KHDRBS3: variants seen among roughly 807,000 people sequenced by gnomAD.
KHDRBS3 encodes the protein KH RNA binding domain containing, signal transduction associated 3, also known as KH domain-containing, RNA-binding, signal transduction-associated protein 3.
KHDRBS3 carries 23 observed loss-of-function variants against 45.6 expected under a neutral mutation model. The ratio of observed to expected loss-of-function variants is 0.50; its 90% confidence interval spans 0.36 to 0.72. KHDRBS3 has a LOEUF of 0.72. Among genes scored for constraint, KHDRBS3 ranks in the 30% least tolerant of loss-of-function variants. The pLI, the probability that KHDRBS3 is intolerant of heterozygous loss-of-function variation, is 0.00. For missense variants in KHDRBS3, 352 were observed against 424.8 expected, an observed-to-expected ratio of 0.83 and a Z score of 1.51; for synonymous variants, 162 against 156.5, an observed-to-expected ratio of 1.04 and a Z score of -0.26.
intron 7 of KHDRBS3, among the ~76,000 whole-genome samples, chr8:135,644,146 G>T (rs1371203863): frequency 6.6e-6 from 1 of 152,200 alleles, no homozygotes; most frequent in Non-Finnish European, 1.5e-5. Flanking sequence ...TTATGGCTGA[G>T]TAATCTAGAC....
chr8:135,510,666 G>A (rs183116501), intron 1 of KHDRBS3, among the ~76,000 whole-genome samples: 4 of 152,136 alleles, frequency 2.6e-5, no homozygotes, highest in Admixed American at 1.3e-4. Context: ...ATCTCCTGAC[G>A]TAATGACCCA....
intron 4 of KHDRBS3, among the ~76,000 whole-genome samples, chr8:135,653,997 C>T (rs1468320822): frequency 6.6e-6 from 1 of 152,162 alleles, no homozygotes; most frequent in Non-Finnish European, 1.5e-5. Flanking sequence ...CCTTTACCCC[C>T]ACACACCCAC....
chr8:135,530,123 C>A (rs889594229), intron 2 of KHDRBS3, among the ~76,000 whole-genome samples: 2 of 151,906 alleles, frequency 1.3e-5, no homozygotes, highest in Non-Finnish European at 2.9e-5. Flanking sequence ...TTAATTACAT[C>A]TCTGCTTACT....
chr8:135,649,873 G>A (rs185244842), downstream of KHDRBS3, among the ~76,000 whole-genome samples: 27 of 152,164 alleles, frequency 1.8e-4, no homozygotes, highest in African/African-American at 6.5e-4. Context: ...ACTGTAAAAG[G>A]AATTGTGACC....
At chr8:135,579,978 G>A (rs1022608795) in intron 5 of KHDRBS3, among the ~76,000 whole-genome samples, 5 of 152,172 alleles carry the variant, frequency 3.3e-5, no homozygotes, top group South Asian at 2.1e-4. Flanking sequence ...CCTTGTTCTT[G>A]TTCCCCCTCA....
chr8:135,464,463 TTTTAATAC>T (rs1821595375), intron 1 of KHDRBS3, among the ~76,000 whole-genome samples: 1 of 152,246 alleles, frequency 6.6e-6, no homozygotes, highest in Non-Finnish European at 1.5e-5. Context: ...GCTCTTTGTA[TTTTAATAC>T]TTTGCTTATC....
chr8:135,485,765 A>G (rs1461074434), intron 1 of KHDRBS3, among the ~76,000 whole-genome samples: 1 of 150,438 alleles, frequency 6.6e-6, no homozygotes, highest in African/African-American at 2.5e-5. Flanking sequence ...GCCTTCACCC[A>G]AGCATTTTCA....
At chr8:135,469,212 A>G (rs1821851667) in intron 1 of KHDRBS3, among the ~76,000 whole-genome samples, 1 of 152,140 alleles carries the variant, frequency 6.6e-6, no homozygotes, top group Non-Finnish European at 1.5e-5. Context: ...AATTCATTCA[A>G]AAAAGGATTT....
At chr8:135,591,019 A>G (rs1446682571) in intron 6 of KHDRBS3, among the ~76,000 whole-genome samples, 3 of 152,228 alleles carry the variant, frequency 2.0e-5, no homozygotes, top group African/African-American at 4.8e-5. Context: ...TCTTCAGCAG[A>G]TATTTTTTAT....
At chr8:135,488,150 TTA>T (rs1409694248) in intron 1 of KHDRBS3, among the ~76,000 whole-genome samples, 2 of 152,202 alleles carry the variant, frequency 1.3e-5, no homozygotes, top group African/African-American at 4.8e-5. Flanking sequence ...GCATATATAG[TTA>T]TATGTAAAAT....
chr8:135,483,506 A>C (rs1822691937), intron 1 of KHDRBS3, among the ~76,000 whole-genome samples: 1 of 152,182 alleles, frequency 6.6e-6, no homozygotes, highest in Non-Finnish European at 1.5e-5. Context: ...CGGAATCTGA[A>C]GCTAATTAGT....
rs1489380512 is a variant in KHDRBS3 at position 135,457,646 on chromosome 8, C to G, written c.-221C>G. The G allele has an allele frequency of 6.8e-6, 1 of 147,472 alleles. No individual in the cohort carries two copies. The highest frequency in any genetic ancestry group is 2.5e-5 in the African/African-American group (1 of 40,786). 9.1% of individuals were successfully genotyped at this position (147,472 alleles called of 1,614,324 possible). A position where few individuals can be genotyped will look rare whatever the true frequency, so the allele number is the denominator to read the frequency against. On this transcript the variant is annotated 5_prime_UTR_variant, in exon 1 of 9. Transcript: ENST00000355849. This position sits in a 1 kb window ranked among gnomAD's most constrained non-coding sequence, Gnocchi z 4.4. Reference sequence around the variant, plus strand: ...CCCGCGCCCGGAGCGCGGGGGCCGCCGGCGCTGGGTACTCGGCGGCCACCG... The same window carrying G: ...CCCGCGCCCGGAGCGCGGGGGCCGCGGGCGCTGGGTACTCGGCGGCCACCG...
chr8:135,656,366 T>C (rs549728100), exon 5 of KHDRBS3: 18 of 152,372 alleles, frequency 1.2e-4, no homozygotes, highest in African/African-American at 4.3e-4. Flanking sequence ...GACATGTTTT[T>C]ATTATATGGT....
chr8:135,646,990 T>C lies in KHDRBS3; in HGVS notation c.950-3T>C. On this transcript the variant is annotated splice_region_variant and splice_polypyrimidine_tract_variant and intron_variant, in intron 8 of 8. Transcript: ENST00000355849. ...TAATTGTGATTCATCTTACTGATTGTAGGGCAAGAAGAGTGGACTAACTCA... is the reference window on the plus strand; with the variant it reads ...TAATTGTGATTCATCTTACTGATTGCAGGGCAAGAAGAGTGGACTAACTCA... 1 of 1,539,772 alleles carries C rather than the reference T, an allele frequency of 6.5e-7. No individual in the cohort carries two copies. The highest frequency in any genetic ancestry group is 1.1e-5 in the South Asian group (1 of 89,588).
intron 6 of KHDRBS3, among the ~76,000 whole-genome samples, chr8:135,586,136 G>A (rs1013665954): frequency 6.6e-6 from 1 of 152,096 alleles, no homozygotes; most frequent in Non-Finnish European, 1.5e-5. Context: ...TCTCCACAAG[G>A]CACTTTGATA....
In KHDRBS3 at chr8:135,457,528, G is replaced by C. The variant is rs1006426533; in HGVS notation, c.-339G>C. 6.8e-6 allele frequency: 1 copy of C among 146,956 alleles called. No individual in the cohort carries two copies. Among genetic ancestry groups the C allele is most frequent in the Non-Finnish European group, 1.5e-5 (1 of 66,100 alleles). The allele number at this position is 146,956 out of a possible 1,614,324, so 9.1% of individuals were successfully genotyped here. On this transcript the variant is annotated 5_prime_UTR_variant, in exon 1 of 9. Coordinates refer to ENST00000355849, the MANE Select transcript of KHDRBS3 (RefSeq NM_006558.3). The surrounding 1 kb of genome is among the most constrained non-coding windows in gnomAD (Gnocchi z 4.4). ...GGTGCTGGCAGGTGCTGGCGGGACT[G>C]GCGGGGATCGCCGTGGACTGCCTCA...
At chr8:135,514,338 A>G (rs1470258023) in intron 1 of KHDRBS3, among the ~76,000 whole-genome samples, 1 of 152,274 alleles carries the variant, frequency 6.6e-6, no homozygotes, top group Non-Finnish European at 1.5e-5. Context: ...ATGAATGGAT[A>G]AACAAAATGT....
At chr8:135,491,068 T>C (rs1563717855) in intron 1 of KHDRBS3, among the ~76,000 whole-genome samples, 1 of 152,232 alleles carries the variant, frequency 6.6e-6, no homozygotes, top group Admixed American at 6.5e-5. Context: ...AATTTATGTA[T>C]ATTTTTCTCC....
chr8:135,594,623 T>C (rs542193201), intron 6 of KHDRBS3, among the ~76,000 whole-genome samples: 46 of 152,370 alleles, frequency 3.0e-4, no homozygotes, highest in Non-Finnish European at 5.6e-4. Context: ...AGTTTACCAA[T>C]GTAGCTCAAT....
Sources: gnomAD v4.1 joint callset for allele counts (sites outside exome capture counted in the v4.1 genomes callset) on GRCh38, gnomAD v4.1.1 for gene constraint, Gnocchi (gnomAD v3.1) non-coding constraint, MANE v1.5 for transcripts, NCBI Gene and HGNC (gene_info 2026-07-23, HGNC 2026-07-21) for gene names.